IL1RAPL2: variants seen among roughly 807,000 people sequenced by gnomAD.
IL1RAPL2 encodes X-linked interleukin-1 receptor accessory protein-like 2.
A neutral mutation model predicts 44.1 loss-of-function variants in IL1RAPL2; 3 were observed. The observed-to-expected ratio is 0.07, with a 90% CI of 0.03 to 0.18. The LOEUF is 0.18. Among genes scored for constraint, IL1RAPL2 ranks in the 10% least tolerant of loss-of-function variants. The pLI is 1.00. For synonymous variants in IL1RAPL2, 181 were observed against 178.8 expected, an observed-to-expected ratio of 1.01 and a Z score of -0.10; for missense variants, 391 against 496.4, an observed-to-expected ratio of 0.79 and a Z score of 2.02.
chrX:105,551,877 G>A (rs1054789830), intron 6 of IL1RAPL2, among the ~76,000 whole-genome samples: 4 of 111,174 alleles, frequency 3.6e-5, no homozygotes, highest in African/African-American at 1.3e-4. Context: ...AGGCCGAGGC[G>A]GGCGGATCAC....
At chrX:105,647,437 C>T (rs933003528) in intron 6 of IL1RAPL2, among the ~76,000 whole-genome samples, 1 of 111,997 alleles carries the variant, frequency 8.9e-6, no homozygotes, top group African/African-American at 3.3e-5. Flanking sequence ...CCCCTGTACT[C>T]TCAGGCTTAG....
At chrX:105,358,674 CAA>C (rs66659226) in intron 5 of IL1RAPL2, among the ~76,000 whole-genome samples, 2 of 29,553 alleles carry the variant, frequency 6.8e-5, no homozygotes, top group South Asian at 2.7e-3. Context: ...GACCCTGTCT[CAA>C]AAAAAAAAAA....
At chrX:105,261,917 C>T (rs2089801530) in intron 4 of IL1RAPL2, among the ~76,000 whole-genome samples, 1 of 111,779 alleles carries the variant, frequency 8.9e-6, no homozygotes, top group Non-Finnish European at 1.9e-5. Flanking sequence ...ACAAGTGCTT[C>T]TCAGCTTCTC....
At chrX:104,705,432 A>G (rs912416259) in intron 2 of IL1RAPL2, among the ~76,000 whole-genome samples, 60 of 111,437 alleles carry the variant, frequency 5.4e-4, no homozygotes, top group African/African-American at 1.9e-3. Flanking sequence ...AGGGCCCATG[A>G]GGGAGGAAAG....
chrX:105,657,645 G>A (rs901422513), intron 6 of IL1RAPL2, among the ~76,000 whole-genome samples: 1 of 111,694 alleles, frequency 9.0e-6, no homozygotes, highest in African/African-American at 3.3e-5. Flanking sequence ...ATGGAGTTTC[G>A]CCCTTGTTGC....
chrX:105,296,223 T>G (rs2034653902), intron 5 of IL1RAPL2, among the ~76,000 whole-genome samples: 1 of 111,001 alleles, frequency 9.0e-6, no homozygotes, highest in Admixed American at 9.6e-5. Context: ...TACTACTTAC[T>G]CTTCCTAGAA....
chrX:104,909,853 G>GGCAGGCAA (rs1924173015), intron 2 of IL1RAPL2, among the ~76,000 whole-genome samples: 1 of 112,642 alleles, frequency 8.9e-6, no homozygotes, highest in Non-Finnish European at 1.9e-5. Context: ...CAGGCAGGCA[G>GGCAGGCAA]GCCTCCTTGA....
intron 2 of IL1RAPL2, among the ~76,000 whole-genome samples, chrX:104,797,842 TCAA>T (rs997012544): frequency 1.8e-5 from 2 of 112,379 alleles, no homozygotes; most frequent in African/African-American, 6.5e-5. Flanking sequence ...TTACAGTGAT[TCAA>T]CAACATCTTC....
At chrX:104,733,934 T>C (rs1266277736) in intron 2 of IL1RAPL2, among the ~76,000 whole-genome samples, 4 of 110,004 alleles carry the variant, frequency 3.6e-5, no homozygotes, top group African/African-American at 9.9e-5. Flanking sequence ...TTCTCAAAAC[T>C]CAGGAATAAG....
rs112825477 is a variant in IL1RAPL2 at position 104,927,170 on chromosome X, A to G, written c.82+268175A>G. ...CAAGCTAATTTCTCCTATTGAAGATAAGACTAAACTATCACCATTCCGAAG... is the reference window on the plus strand; with the variant it reads ...CAAGCTAATTTCTCCTATTGAAGATGAGACTAAACTATCACCATTCCGAAG... On this transcript the variant is annotated intron_variant, in intron 2 of 10. Coordinates refer to ENST00000372582, the MANE Select transcript of IL1RAPL2 (RefSeq NM_017416.2). Among the ~76,000 whole-genome samples, 360 of 111,988 alleles carry G rather than the reference A, an allele frequency of 3.2e-3. 2 individuals carry two copies. The highest frequency in any genetic ancestry group is 0.011 in the African/African-American group (343 of 30,846).
chrX:104,847,875 T>G (rs370343499), intron 2 of IL1RAPL2, among the ~76,000 whole-genome samples: 12 of 111,023 alleles, frequency 1.1e-4, no homozygotes, highest in African/African-American at 2.3e-4. Flanking sequence ...TCATTGAGCA[T>G]TGGTTTGTAG....
rs1205932865 is a variant in IL1RAPL2, at chrX:105,736,526, CAAAA to C, written c.903-4013_903-4010del. On this transcript the variant is annotated intron_variant, in intron 7 of 10. Transcript: ENST00000372582. ...ATAAGGAACTTAAAAAAATTAAAAACAAAAAAAAAACTCCATAAAAAAGTGGGCA... is the reference window on the plus strand; with the variant it reads ...ATAAGGAACTTAAAAAAATTAAAAACAAAAAACTCCATAAAAAAGTGGGCA... Among the ~76,000 whole-genome samples the C allele has an allele frequency of 6.9e-5, 7 of 102,051 alleles. No homozygotes were observed. The Admixed American group carries it at 7.4e-4, about 11-fold the overall frequency. The allele number at this position is 102,051 out of a possible 115,157, so 88.6% of individuals were successfully genotyped here.
intron 2 of IL1RAPL2, among the ~76,000 whole-genome samples, chrX:105,175,798 G>A (rs914110021): frequency 1.8e-5 from 2 of 110,668 alleles, no homozygotes; most frequent in Admixed American, 1.9e-4. Context: ...TAACTAATTT[G>A]TTATTAACTA....
chrX:104,805,469 CAT>C, intron 2 of IL1RAPL2, among the ~76,000 whole-genome samples: 1 of 111,872 alleles, frequency 8.9e-6, no homozygotes, highest in Middle Eastern at 4.7e-3. Flanking sequence ...GAATTGGACA[CAT>C]AGTGTTCAGT....
At chrX:104,758,943 T>C (rs777089400) in intron 2 of IL1RAPL2, among the ~76,000 whole-genome samples, 1 of 112,041 alleles carries the variant, frequency 8.9e-6, no homozygotes, top group Non-Finnish European at 1.9e-5. Context: ...TGGCGATTTT[T>C]GAAATCAAAG....
chrX:105,040,681 A>G (rs767844680), intron 2 of IL1RAPL2, among the ~76,000 whole-genome samples: 97 of 110,285 alleles, frequency 8.8e-4, no homozygotes, highest in African/African-American at 3.1e-3. Flanking sequence ...AGGTGTTTAT[A>G]GTATTCTCTG....
At chrX:105,609,277 A>G (rs936466316) in intron 6 of IL1RAPL2, among the ~76,000 whole-genome samples, 7 of 111,429 alleles carry the variant, frequency 6.3e-5, no homozygotes, top group Admixed American at 1.9e-4. Context: ...TAAAAGAGGT[A>G]TTTGGGGATG....
intron 2 of IL1RAPL2, among the ~76,000 whole-genome samples, chrX:104,918,095 A>G (rs1378089131): frequency 8.9e-6 from 1 of 112,528 alleles, no homozygotes; most frequent in Non-Finnish European, 1.9e-5. Context: ...GGCATTAACT[A>G]TAGAATTTTC....
Position 104,672,161 on chromosome X carries a change from A to G in IL1RAPL2, c.82+13166A>G, listed in dbSNP as rs778176682. On this transcript the variant is annotated intron_variant, in intron 2 of 10. Transcript: ENST00000372582. ...TGTGCACATTGTGCAGGTTAGTTAC[A>G]TGTTACATATGTATACATGTGACAT... Among the ~76,000 whole-genome samples the G allele has an allele frequency of 5.4e-5, 6 of 110,645 alleles. No homozygotes were observed. In the East Asian group the frequency reaches 1.7e-3, roughly 32 times the overall value.
Sources: allele counts gnomAD v4.1 joint callset (sites outside exome capture counted in the v4.1 genomes callset), GRCh38; gene constraint gnomAD v4.1.1; transcripts MANE v1.5; gene names NCBI Gene and HGNC (gene_info 2026-07-23, HGNC 2026-07-21).